Variants in TMEM120A observed in about 807,000 individuals in gnomAD.
The protein encoded by TMEM120A is ion channel TACAN.
TMEM120A carries 45 observed loss-of-function variants against 54.3 expected under a neutral mutation model. That is an observed-to-expected ratio of 0.83 (90% CI 0.65 to 1.06). The LOEUF (loss-of-function observed/expected upper bound fraction) is 1.06, where lower values mean the gene tolerates loss of function less well. TMEM120A is among the 50% of genes least tolerant of loss of function. TMEM120A has a pLI of 0.00. For synonymous variants in TMEM120A, 204 were observed against 178.5 expected (o/e 1.14, Z -1.14); for missense variants, 424 against 441.7 (o/e 0.96, Z 0.36).
Position 75,994,548 on chromosome 7 carries a change from G to T in TMEM120A, c.23C>A (p.Pro8Gln). The T allele has an allele frequency of 1.3e-6, 2 of 1,555,178 alleles. No individual in the cohort carries two copies. Among genetic ancestry groups the T allele is most frequent in the South Asian group, 1.2e-5 (1 of 84,832 alleles). The change falls in exon 1 of 12, where the codon CCG (proline) becomes CAG (glutamine). Residue 8 changes from proline to glutamine, a missense_variant. Transcript: ENST00000493111. MQPPPPGPLGDCLRDWED... is the reference protein window; with the variant it reads MQPPPPGQLGDCLRDWED... ...CCAGTCCCGCAGGCAGTCGCCCAGCGGGCCCGGGGGCGGGGGCTGCATGGC... is the reference window on the plus strand; with the variant it reads ...CCAGTCCCGCAGGCAGTCGCCCAGCTGGCCCGGGGGCGGGGGCTGCATGGC...
chr7:75,986,842 T>C lies in TMEM120A; in HGVS notation c.*330A>G. 1.7e-6 allele frequency: 1 copy of C among 572,968 alleles called. No individual in the cohort carries two copies. The highest frequency in any genetic ancestry group is 2.4e-5 in the South Asian group (1 of 41,792). The allele number at this position is 572,968 out of a possible 1,614,324, so 35.5% of individuals were successfully genotyped here. On this transcript the variant is annotated 3_prime_UTR_variant, in exon 12 of 12. Coordinates refer to ENST00000493111, the MANE Select transcript of TMEM120A (RefSeq NM_031925.3). ...ATAACCTCTGGCCCTTGGAATAAAG[T>C]TCTGTTTTCTGTATTTGCCTGGTAT...
At position 75,987,325 on chromosome 7, in the gene TMEM120A, C is replaced by T. The variant is rs781800232; in HGVS notation, c.918+35G>A. 8 of 1,566,692 alleles carry T rather than the reference C, an allele frequency of 5.1e-6. No individual in the cohort carries two copies. In the East Asian group the frequency reaches 1.2e-4, roughly 23 times the overall value. ...GGGTGAGGGCTGGACATGGGCCTGG[C>T]CCCCCATCCATCCTGTCCAGGGACC... On this transcript the variant is annotated intron_variant, in intron 11 of 11. Coordinates refer to ENST00000493111, the MANE Select transcript of TMEM120A (RefSeq NM_031925.3).
In TMEM120A at chr7:75,988,353, G is replaced by A. The variant is rs372989464; in HGVS notation, c.474-12C>T. On this transcript the variant is annotated splice_polypyrimidine_tract_variant and intron_variant, in intron 5 of 11. Coordinates refer to ENST00000493111, the MANE Select transcript of TMEM120A (RefSeq NM_031925.3). ...CAGCATCTGTCACCCTGCGGAGGGA[G>A]GGGACCGAGGGTTGGTACTGCAGCG... is the stretch of plus-strand genomic sequence containing the variant. 3.1e-6 allele frequency: 5 copies of A among 1,611,948 alleles called. No homozygotes were observed. Among genetic ancestry groups the A allele is most frequent in the Non-Finnish European group, 4.2e-6 (5 of 1,179,682 alleles).
chr7:75,987,579 G>A lies in TMEM120A; in HGVS notation c.808C>T (p.Arg270Trp), dbSNP rs781973486. ...TVEGFQSWMWRGLTFLLPFLF... is the reference protein window; with the variant it reads ...TVEGFQSWMWWGLTFLLPFLF... Reference sequence around the variant, plus strand: ...AAAGGCAGCAGGAAGGTGAGGCCCCGCCACATCCAGGACTGGAAGCCCTCT... The same window carrying A: ...AAAGGCAGCAGGAAGGTGAGGCCCCACCACATCCAGGACTGGAAGCCCTCT... The change falls in exon 10 of 12, where the codon CGG becomes TGG. Residue 270 changes from arginine to tryptophan, a missense_variant. By Grantham distance (101) the Arg-to-Trp change is moderately radical (BLOSUM62 -3). Coordinates refer to ENST00000493111, the MANE Select transcript of TMEM120A (RefSeq NM_031925.3). The A allele has an allele frequency of 7.0e-5, 113 of 1,607,474 alleles. No individual in the cohort carries two copies. The highest frequency in any genetic ancestry group is 9.3e-5 in the Non-Finnish European group (109 of 1,177,542).
In TMEM120A at chr7:75,992,539, G is replaced by A. The variant is rs782574941; in HGVS notation, c.100C>T (p.Arg34Cys). The change falls in exon 2 of 12, where the codon CGC becomes TGC. Residue 34 changes from arginine (R) to cysteine (C), a missense_variant. Transcript: ENST00000493111. ...TTGGTCAGCTCCTCCAGCTTCAGGCGGTAGAGCCGATGGGTCTCCTGGGGG... is the reference window on the plus strand; with the variant it reads ...TTGGTCAGCTCCTCCAGCTTCAGGCAGTAGAGCCGATGGGTCTCCTGGGGG... ...QNIQETHRLYRLKLEELTKLQ... is the reference protein window; with the variant it reads ...QNIQETHRLYCLKLEELTKLQ... 23 of 1,580,714 alleles carry A rather than the reference G, an allele frequency of 1.5e-5. No homozygotes were observed. Among genetic ancestry groups the A allele is most frequent in the African/African-American group, 5.4e-5 (4 of 74,256 alleles).
At chr7:75,987,676 G>A (rs1554560249) in intron 9 of TMEM120A, 42 bp downstream of exon 9, 2 of 1,608,258 alleles carry the variant, frequency 1.2e-6, no homozygotes, top group East Asian at 2.2e-5. Context: ...CGGGATGGGA[G>A]GAAAGGGGAA....
Position 75,988,132 on chromosome 7 carries a change from C to G in TMEM120A, c.580G>C (p.Val194Leu), listed in dbSNP as rs1389635118. The G allele has an allele frequency of 1.9e-6, 3 of 1,610,448 alleles. No homozygotes were observed. Among genetic ancestry groups the G allele is most frequent in the Non-Finnish European group, 2.5e-6 (3 of 1,178,964 alleles). ...AAGGTGGACACGTAGTGATGGAACA[C>G]CCACCAGCCTTTGATCCTGGAGCAG... Reference protein sequence around the residue: ...NNGSRIKGWWVFHHYVSTFLS... With the variant: ...NNGSRIKGWWLFHHYVSTFLS... The change falls in exon 7 of 12, where the codon GTG (valine) becomes CTG (leucine). Residue 194 changes from valine to leucine, a missense_variant. Transcript: ENST00000493111.
At chr7:75,990,729 C>T (rs575091718) in intron 3 of TMEM120A, among the ~76,000 whole-genome samples, 2 of 151,622 alleles carry the variant, frequency 1.3e-5, no homozygotes, top group Non-Finnish European at 2.9e-5. Flanking sequence ...ACTAAAAATA[C>T]AAAATACAAA....
In TMEM120A at chr7:75,987,549, AAAG is replaced by A; in HGVS notation, c.835_837del (p.Leu279del). The A allele has an allele frequency of 6.3e-7, 1 of 1,598,052 alleles. No individual in the cohort carries two copies. On this transcript the variant is annotated inframe_deletion, in exon 10 of 12. Coordinates refer to ENST00000493111, the MANE Select transcript of TMEM120A (RefSeq NM_031925.3). ...GAGGCACGACTTACGTGTCCAAAGA[AAAG>A]AAAAGGCAGCAGGAAGGTGAGGCCC...
At chr7:75,994,110 T>C (rs1789958603) in intron 1 of TMEM120A, among the ~76,000 whole-genome samples, 1 of 152,002 alleles carries the variant, frequency 6.6e-6, no homozygotes, top group African/African-American at 2.4e-5. Context: ...TAAACGCTGC[T>C]CCCCCGACCT....
At chr7:75,987,874 C>G in intron 8 of TMEM120A, 49 bp downstream of exon 8, 1 of 1,598,146 alleles carries the variant, frequency 6.3e-7, no homozygotes, top group Middle Eastern at 1.7e-4. Flanking sequence ...GCCCCTGCCC[C>G]CCACCACGGG....
In TMEM120A at chr7:75,994,522, C is replaced by T; in HGVS notation, c.49G>A (p.Glu17Lys). 1.3e-6 allele frequency: 2 copies of T among 1,566,348 alleles called. No homozygotes were observed. Among genetic ancestry groups the T allele is most frequent in the South Asian group, 2.3e-5 (2 of 85,616 alleles). ...TTCTGGAAGTCCTGCTGTAGATCCT[C>T]CCAGTCCCGCAGGCAGTCGCCCAGC... ...GPLGDCLRDW[E>K]DLQQDFQNIQ... The change falls in exon 1 of 12, where the codon GAG becomes AAG. Residue 17 changes from glutamate (E) to lysine (K), a missense_variant. By Grantham distance (56) the Glu-to-Lys change is moderately conservative (BLOSUM62 1). Transcript: ENST00000493111.
intron 4 of TMEM120A, 42 bp downstream of exon 4, chr7:75,989,123 T>TGGAGGGTGAGGGGG (rs1789729615): frequency 3.4e-5 from 7 of 208,532 alleles, no homozygotes; most frequent in East Asian, 1.7e-4. Context: ...GGGCTAGGGG[T>TGGAGGGTGAGGGGG]GGAGGGGTGG....
chr7:75,988,268 T>C lies in TMEM120A; in HGVS notation c.547A>G (p.Ile183Val). 6.2e-7 allele frequency: 1 copy of C among 1,612,126 alleles called. No homozygotes were observed. The highest frequency in any genetic ancestry group is 8.5e-7 in the Non-Finnish European group (1 of 1,179,868). ...CTLTIRESIL[I>V]NNGSRIKGWW... ...CCTGCCCACCGGGAGCCGTTGTTGA[T>C]GAGGATGCTCTCCCGGATGGTCAGG... Residue 183 changes from isoleucine to valine, a missense_variant, in exon 6 of 12, where the codon ATC (isoleucine) becomes GTC (valine). Physicochemically the swap from Ile to Val is conservative, Grantham distance 29. Transcript: ENST00000493111.
Position 75,992,498 on chromosome 7 carries a change from G to A in TMEM120A, c.141C>T (p.Cys47=), listed in dbSNP as rs782111803. ...TCTTCTGCCGCGTGATGGAGCTGGTGCAATTGTTCTGAAGTTTGGTCAGCT... is the reference window on the plus strand; with the variant it reads ...TCTTCTGCCGCGTGATGGAGCTGGTACAATTGTTCTGAAGTTTGGTCAGCT... ...LEELTKLQNN[C]TSSITRQKKR... Residue 47 remains cysteine (C), a synonymous_variant, in exon 2 of 12, where the codon TGC becomes TGT. Coordinates refer to ENST00000493111, the MANE Select transcript of TMEM120A (RefSeq NM_031925.3). The A allele has an allele frequency of 2.8e-5, 44 of 1,596,896 alleles. No individual in the cohort carries two copies. In the East Asian group the frequency reaches 7.9e-4, roughly 29 times the overall value.
chr7:75,991,551 G>T (rs1789844158), intron 3 of TMEM120A, among the ~76,000 whole-genome samples: 1 of 152,058 alleles, frequency 6.6e-6, no homozygotes, highest in South Asian at 2.1e-4. Context: ...GATTACAGGT[G>T]CATGCCACAA....
At chr7:75,989,532 T>G (rs1237493862) in intron 3 of TMEM120A, among the ~76,000 whole-genome samples, 2 of 141,652 alleles carry the variant, frequency 1.4e-5, no homozygotes, top group Non-Finnish European at 3.0e-5. Flanking sequence ...CCCTCCCTGC[T>G]GAGGGCCGTC....
chr7:75,987,882 G>T, intron 8 of TMEM120A, 41 bp downstream of exon 8: 1 of 1,598,728 alleles, frequency 6.3e-7, no homozygotes, highest in South Asian at 1.1e-5. Flanking sequence ...CCCCCACCAC[G>T]GGTGCCTCCA....
At chr7:75,988,636 GGAGGGGAAGGCCAGGTGGGGT>G in intron 4 of TMEM120A, 120 bp from the exon 5 acceptor site, 1 of 282,898 alleles carries the variant, frequency 3.5e-6, no homozygotes, top group South Asian at 2.6e-5. Context: ...GTTGGGGGGT[GGAGGGGAAGGCCAGGTGGGGT>G]GGGGGGTGGA....
Sources: gnomAD v4.1 joint callset for allele counts (sites outside exome capture counted in the v4.1 genomes callset) on GRCh38, gnomAD v4.1.1 for gene constraint, MANE v1.5 for transcripts, NCBI Gene and HGNC (gene_info 2026-07-23, HGNC 2026-07-21) for gene names.